Variants in KCND2 observed in about 807,000 individuals in gnomAD.
The protein encoded by KCND2 is A-type voltage-gated potassium channel KCND2.
KCND2 carries 16 observed loss-of-function variants against 54.4 expected under a neutral mutation model. That is an observed-to-expected ratio of 0.29 (90% CI 0.20 to 0.45). The LOEUF (loss-of-function observed/expected upper bound fraction) is 0.45. Ranked by LOEUF, KCND2 falls within the 20% of genes least tolerant of loss-of-function variation. The pLI, the probability that KCND2 is intolerant of heterozygous loss-of-function variation, is 1.00. For missense variants in KCND2, 486 were observed against 824.2 expected, an observed-to-expected ratio of 0.59 and a Z score of 5.02; for synonymous variants, 317 against 310.7, an observed-to-expected ratio of 1.02 and a Z score of -0.21.
intron 1 of KCND2, among the ~76,000 whole-genome samples, chr7:120,671,841 A>G (rs1291295715): frequency 1.3e-5 from 2 of 152,104 alleles, no homozygotes; most frequent in African/African-American, 2.4e-5. Flanking sequence ...TCTTCACTCA[A>G]TTCCACTGAA....
rs548950039 is a variant in KCND2 at position 120,274,750 on chromosome 7, G to A, written c.118G>A (p.Asp40Asn). The stretch of plus-strand genomic sequence containing the variant: ...GAGGCAGGAGAGGAAAAGGACCCAA[G>A]ATGCTCTCATTGTGCTGAATGTGAG... ...PPRQERKRTQ[D>N]ALIVLNVSGT... Residue 40 changes from aspartate to asparagine, a missense_variant, in exon 1 of 6, where the codon GAT (aspartate) becomes AAT (asparagine). Physicochemically the swap from Asp to Asn is conservative, Grantham distance 23. Transcript: ENST00000331113. 1.9e-6 allele frequency: 3 copies of A among 1,614,144 alleles called. No homozygotes were observed. Among genetic ancestry groups the A allele is most frequent in the South Asian group, 2.2e-5 (2 of 91,088 alleles).
intron 1 of KCND2, among the ~76,000 whole-genome samples, chr7:120,322,550 G>C (rs868041563): frequency 3.9e-5 from 6 of 152,114 alleles, no homozygotes; most frequent in South Asian, 4.1e-4. Flanking sequence ...GTAACTTATG[G>C]TTGTGATTCT....
chr7:120,578,916 T>TCACACACACACACACA (rs111758455), intron 1 of KCND2, among the ~76,000 whole-genome samples: 1,520 of 146,802 alleles, frequency 0.01, 31 homozygotes, highest in African/African-American at 0.036. Flanking sequence ...AGACCCTGTC[T>TCACACACACACACACA]CACACACACA....
At chr7:120,272,926 G>C (rs1206540630), upstream of KCND2, among the ~76,000 whole-genome samples, 1 of 151,958 alleles carries the variant, frequency 6.6e-6, no homozygotes, top group Non-Finnish European at 1.5e-5. Context: ...CTTGAACCGG[G>C]ACTCGAGAGG....
chr7:120,391,860 G>T (rs1030775598), intron 1 of KCND2, among the ~76,000 whole-genome samples: 2 of 152,012 alleles, frequency 1.3e-5, no homozygotes, highest in African/African-American at 4.8e-5. Context: ...CTCCCATTCT[G>T]TCGGTTGCCT....
intron 1 of KCND2, among the ~76,000 whole-genome samples, chr7:120,303,766 A>G (rs1349622105): frequency 2.0e-5 from 3 of 152,178 alleles, no homozygotes; most frequent in Admixed American, 6.5e-5. Flanking sequence ...ATGTGTATAC[A>G]TATCTTTCTT....
At chr7:120,412,639 C>A (rs1304186949) in intron 1 of KCND2, among the ~76,000 whole-genome samples, 2 of 152,006 alleles carry the variant, frequency 1.3e-5, no homozygotes, top group Non-Finnish European at 2.9e-5. Flanking sequence ...AGCTTCCCAC[C>A]CTGTGCGGTC....
At chr7:120,733,144 T>C in intron 2 of KCND2, 79 bp downstream of exon 2, 3 of 1,438,716 alleles carry the variant, frequency 2.1e-6, no homozygotes, top group Non-Finnish European at 2.9e-6. Context: ...TTAATGGTTA[T>C]TCAGTGCTCT....
chr7:120,308,152 G>A (rs1799676792), intron 1 of KCND2, among the ~76,000 whole-genome samples: 1 of 151,816 alleles, frequency 6.6e-6, no homozygotes, highest in Non-Finnish European at 1.5e-5. Context: ...CTTACTGAAG[G>A]GCTTTACTAA....
chr7:120,587,396 T>C (rs1049291304), intron 1 of KCND2, among the ~76,000 whole-genome samples: 1 of 152,296 alleles, frequency 6.6e-6, no homozygotes, highest in East Asian at 1.9e-4. Context: ...TCTTGAAAGG[T>C]GTCATAACTT....
intron 1 of KCND2, among the ~76,000 whole-genome samples, chr7:120,458,332 A>T (rs1259936089): frequency 6.6e-6 from 1 of 152,214 alleles, no homozygotes; most frequent in Non-Finnish European, 1.5e-5. Flanking sequence ...TGAAGAAGCA[A>T]GTATTTAACA....
rs183547246 is a variant in KCND2 at position 120,341,078 on chromosome 7, G to A, written c.1115+65331G>A. Among the ~76,000 whole-genome samples, 1,094 of 152,290 alleles carry A rather than the reference G, an allele frequency of 7.2e-3. 7 individuals are homozygous for A. Among genetic ancestry groups the A allele is most frequent in the Non-Finnish European group, 0.012 (811 of 67,994 alleles). On this transcript the variant is annotated intron_variant, in intron 1 of 5. Transcript: ENST00000331113. ...TTTTTATCTCAAGAAACTTGATAGAGAACAGAGTATATGAGTTTGGTTGTG... is the reference window on the plus strand; with the variant it reads ...TTTTTATCTCAAGAAACTTGATAGAAAACAGAGTATATGAGTTTGGTTGTG...
intron 1 of KCND2, among the ~76,000 whole-genome samples, chr7:120,622,926 A>G (rs1793120112): frequency 6.6e-6 from 1 of 152,162 alleles, no homozygotes; most frequent in African/African-American, 2.4e-5. Context: ...GAATCAAAGA[A>G]ACATAAAGTA....
chr7:120,543,935 C>T (rs1792012923), intron 1 of KCND2, among the ~76,000 whole-genome samples: 1 of 151,824 alleles, frequency 6.6e-6, no homozygotes, highest in Non-Finnish European at 1.5e-5. Context: ...ATGTGTATAA[C>T]TGGGATAGAC....
intron 1 of KCND2, among the ~76,000 whole-genome samples, chr7:120,705,526 A>G (rs1032206744): frequency 6.6e-6 from 1 of 152,162 alleles, no homozygotes; most frequent in African/African-American, 2.4e-5. Context: ...AAATGTCGAT[A>G]ATAATGGCTA....
At chr7:120,354,925 A>G (rs1179029407) in intron 1 of KCND2, among the ~76,000 whole-genome samples, 1 of 152,206 alleles carries the variant, frequency 6.6e-6, no homozygotes, top group African/African-American at 2.4e-5. Flanking sequence ...ATCTAGGTGT[A>G]TGTTCAAATG....
intron 1 of KCND2, among the ~76,000 whole-genome samples, chr7:120,639,210 ATCAATTTT>A (rs1461141482): frequency 2.0e-5 from 3 of 152,178 alleles, no homozygotes; most frequent in Non-Finnish European, 4.4e-5. Flanking sequence ...AGAAAATTCT[ATCAATTTT>A]TCTGACTTTA....
chr7:120,379,518 CA>C, intron 1 of KCND2, among the ~76,000 whole-genome samples: 1 of 152,092 alleles, frequency 6.6e-6, no homozygotes, highest in East Asian at 1.9e-4. Context: ...GGGTGACTGA[CA>C]GAGAAACTTC....
chr7:120,544,993 T>C (rs1792026134), intron 1 of KCND2, among the ~76,000 whole-genome samples: 1 of 151,944 alleles, frequency 6.6e-6, no homozygotes, highest in South Asian at 2.1e-4. Flanking sequence ...TATTCAGTAC[T>C]AGTAGTTCCT....
Sources: gnomAD v4.1 joint callset for allele counts (sites outside exome capture counted in the v4.1 genomes callset) on GRCh38, gnomAD v4.1.1 for gene constraint, MANE v1.5 for transcripts, NCBI Gene and HGNC (gene_info 2026-07-23, HGNC 2026-07-21) for gene names.